ULK4: variants seen among roughly 807,000 people sequenced by gnomAD.
ULK4 encodes the protein unc-51 like kinase 4, also known as inactive serine/threonine-protein kinase ULK4.
In ULK4, 133 loss-of-function variants were observed where a neutral mutation model predicts 160.6. That is an observed-to-expected ratio of 0.83 (90% CI 0.72 to 0.96). The LOEUF (loss-of-function observed/expected upper bound fraction) is 0.96, where lower values mean the gene tolerates loss of function less well. Among genes scored for constraint, ULK4 ranks in the 40% least tolerant of loss-of-function variants. The probability of loss-of-function intolerance (pLI) is 0.00; values close to 1 mark genes in which losing one functional copy is unlikely to be tolerated. For missense variants in ULK4, 1,580 were observed against 1,499.5 expected (o/e 1.05, Z -0.89); for synonymous variants, 534 against 539.8 (o/e 0.99, Z 0.15).
At chr3:41,522,907 G>C (rs1235523745) in intron 32 of ULK4, among the ~76,000 whole-genome samples, 1 of 152,020 alleles carries the variant, frequency 6.6e-6, no homozygotes, top group Admixed American at 6.6e-5. Context: ...AGGTATTTTT[G>C]TTTGTTTTGT....
At chr3:41,919,525 C>A (rs564768264) in intron 6 of ULK4, among the ~76,000 whole-genome samples, 192 bp downstream of exon 6, 1 of 152,280 alleles carries the variant, frequency 6.6e-6, no homozygotes, top group East Asian at 1.9e-4. Flanking sequence ...TGGCTTGAAC[C>A]CAGGAGGCAG....
intron 31 of ULK4, among the ~76,000 whole-genome samples, chr3:41,593,930 T>TG (rs1445760374): frequency 6.7e-6 from 1 of 148,462 alleles, no homozygotes; most frequent in Non-Finnish European, 1.5e-5. Context: ...CTACCGGGGT[T>TG]GGGGGAAGGG....
chr3:41,684,061 CAA>C, intron 27 of ULK4, among the ~76,000 whole-genome samples: 1 of 152,234 alleles, frequency 6.6e-6, no homozygotes, highest in East Asian at 1.9e-4. Context: ...TGACTTCTTG[CAA>C]AGAGAAGAGG....
intron 22 of ULK4, among the ~76,000 whole-genome samples, chr3:41,742,956 G>C (rs749772819): frequency 9.9e-5 from 15 of 151,734 alleles, no homozygotes; most frequent in East Asian, 1.9e-4. Context: ...AAAAAAAATA[G>C]AGTCTCAGGG....
At chr3:41,768,497 T>G (rs73071325) in intron 21 of ULK4, among the ~76,000 whole-genome samples, 18,566 of 152,142 alleles carry the variant, frequency 0.12, 1,320 homozygotes, top group Middle Eastern at 0.27. Flanking sequence ...CTCTTGGAAC[T>G]CTGCCACCAT....
chr3:41,260,689 G>C (rs942590434), intron 35 of ULK4, among the ~76,000 whole-genome samples: 1 of 152,196 alleles, frequency 6.6e-6, no homozygotes, highest in Non-Finnish European at 1.5e-5. Context: ...AAGGGAAGAG[G>C]CAGGGTCTTA....
In ULK4 at chr3:41,661,527, GATAA is replaced by G. The variant is rs1205328625; in HGVS notation, c.3071+2076_3071+2079del. 2.0e-3 allele frequency among the ~76,000 whole-genome samples: 299 copies of G among 150,916 alleles called. 3 individuals carry two copies. Among genetic ancestry groups the G allele is most frequent in the African/African-American group, 6.7e-3 (273 of 40,710 alleles). On this transcript the variant is annotated intron_variant, in intron 30 of 36. Transcript: ENST00000301831. ...TAGATAGATGATAGATAGATAGATA[GATAA>G]ATAGATAGATAAATAGATAGATAAT...
intron 35 of ULK4, among the ~76,000 whole-genome samples, chr3:41,270,032 A>T (rs1486431622): frequency 6.7e-6 from 1 of 148,240 alleles, no homozygotes; most frequent in Admixed American, 6.6e-5. Context: ...ATATTAGGAT[A>T]CATACACACA....
chr3:41,640,723 C>T (rs985972702), intron 30 of ULK4, among the ~76,000 whole-genome samples: 12 of 152,082 alleles, frequency 7.9e-5, no homozygotes, highest in Non-Finnish European at 1.6e-4. Context: ...ATATATGTAG[C>T]AAGGAACCTG....
At chr3:41,311,894 A>ATC (rs1559518659) in intron 35 of ULK4, among the ~76,000 whole-genome samples, 1 of 151,238 alleles carries the variant, frequency 6.6e-6, no homozygotes, top group Non-Finnish European at 1.5e-5. Context: ...ATATATATAT[A>ATC]TCCTATTAGT....
At chr3:41,725,314 T>A (rs1295975956) in intron 22 of ULK4, among the ~76,000 whole-genome samples, 1 of 152,214 alleles carries the variant, frequency 6.6e-6, no homozygotes, top group African/African-American at 2.4e-5. Flanking sequence ...TAAAAGTTTT[T>A]ATTTCTTTCC....
At chr3:41,607,767 T>C (rs1011252811) in intron 31 of ULK4, among the ~76,000 whole-genome samples, 11 of 152,126 alleles carry the variant, frequency 7.2e-5, no homozygotes, top group African/African-American at 7.2e-5. Flanking sequence ...GGTCATTAAA[T>C]AGAATAAAAA....
In ULK4 at chr3:41,539,388, T is replaced by A. The variant is rs542898142; in HGVS notation, c.3226+26637A>T. Among the ~76,000 whole-genome samples, 4 of 152,238 alleles carry A rather than the reference T, an allele frequency of 2.6e-5. No individual in the cohort carries two copies. In the East Asian group the frequency reaches 5.8e-4, roughly 22 times the overall value. ...CCGATCACTACTCTGTACCACCTACTTGCTCTCCCCAACTTGCCATCATCC... is the reference window on the plus strand; with the variant it reads ...CCGATCACTACTCTGTACCACCTACATGCTCTCCCCAACTTGCCATCATCC... On this transcript the variant is annotated intron_variant, in intron 32 of 36. Transcript: ENST00000301831.
intron 18 of ULK4, among the ~76,000 whole-genome samples, chr3:41,824,883 A>G (rs2125636964): frequency 6.6e-6 from 1 of 152,252 alleles, no homozygotes; most frequent in African/African-American, 2.4e-5. Context: ...TGGGTCCCTG[A>G]CCCCCGAATA....
intron 35 of ULK4, among the ~76,000 whole-genome samples, chr3:41,297,805 G>C (rs2079699733): frequency 1.3e-5 from 2 of 152,218 alleles, no homozygotes; most frequent in Non-Finnish European, 2.9e-5. Context: ...AAGAGGCTGA[G>C]GATGGTAACA....
chr3:41,389,204 T>C (rs2081894914), intron 35 of ULK4, among the ~76,000 whole-genome samples: 1 of 152,190 alleles, frequency 6.6e-6, no homozygotes, highest in African/African-American at 2.4e-5. Flanking sequence ...ATGCTTGTGA[T>C]TTTTGTACAT....
chr3:41,422,170 T>G (rs1346099750), intron 34 of ULK4, among the ~76,000 whole-genome samples: 1 of 152,260 alleles, frequency 6.6e-6, no homozygotes, highest in African/African-American at 2.4e-5. Context: ...AATAAAGAAG[T>G]CTTGTAAGAT....
intron 31 of ULK4, among the ~76,000 whole-genome samples, chr3:41,606,629 A>G (rs193233892): frequency 6.6e-6 from 1 of 152,094 alleles, no homozygotes; most frequent in East Asian, 1.9e-4. Flanking sequence ...CCTTGTCAGC[A>G]CTTGTTATTT....
chr3:41,938,152 GAA>G lies in ULK4; in HGVS notation c.182_183del (p.Phe61SerfsTer2), dbSNP rs1319341945. The G allele has an allele frequency of 6.2e-7, 1 of 1,613,108 alleles. No individual in the cohort carries two copies. Among genetic ancestry groups the G allele is most frequent in the Non-Finnish European group, 8.5e-7 (1 of 1,179,634 alleles). On this transcript the variant is annotated frameshift_variant, in exon 3 of 37. Transcript: ENST00000301831. LOFTEE classifies it high-confidence loss of function. ...REIKHKNIVT[F>X]HEWYETSNHL... ...TGGTTGCTTGTTTCATACCATTCAT[GAA>G]AAGTTACAATATTCTTGTGTTTTAT...
Sources: gnomAD v4.1 joint callset for allele counts (sites outside exome capture counted in the v4.1 genomes callset) on GRCh38, gnomAD v4.1.1 for gene constraint, MANE v1.5 for transcripts, NCBI Gene and HGNC (gene_info 2026-07-23, HGNC 2026-07-21) for gene names.